Variants in ZNF165 observed in about 807,000 individuals in gnomAD.
ZNF165 encodes cancer/testis antigen 53.
In ZNF165, 14 loss-of-function variants were observed where a neutral mutation model predicts 19.6. The observed-to-expected ratio is 0.71, with a 90% CI of 0.47 to 1.12. The LOEUF (loss-of-function observed/expected upper bound fraction) is 1.12, where lower values mean the gene tolerates loss of function less well. Among genes scored for constraint, ZNF165 ranks in the 50% most tolerant of loss-of-function variants. ZNF165 has a pLI of 0.00. For synonymous variants in ZNF165, 165 were observed against 195.0 expected (o/e 0.85, Z 1.28); for missense variants, 504 against 566.3 (o/e 0.89, Z 1.12).
In ZNF165 at chr6:28,089,302, T is replaced by C; in HGVS notation, c.1290T>C (p.Cys430=). ...RIHTREKPYE[C]SECGKTFRVS... ...ACACCAGAGAGAAACCCTACGAGTG[T>C]AGTGAATGTGGGAAAACCTTCCGAG... Residue 430 remains cysteine, a synonymous_variant, in exon 4 of 4, where the codon TGT becomes TGC. Transcript: ENST00000683778. 6.2e-7 allele frequency: 1 copy of C among 1,614,158 alleles called. No individual in the cohort carries two copies. The highest frequency in any genetic ancestry group is 8.5e-7 in the Non-Finnish European group (1 of 1,180,018).
chr6:28,080,331 A>G (rs548933281), upstream of ZNF165, among the ~76,000 whole-genome samples: 1 of 152,158 alleles, frequency 6.6e-6, no homozygotes, highest in South Asian at 2.1e-4. Flanking sequence ...CTTCTATAGA[A>G]GTAAATTGCT....
At chr6:28,087,159 A>T (rs1764294345) in intron 3 of ZNF165, among the ~76,000 whole-genome samples, 1 of 152,264 alleles carries the variant, frequency 6.6e-6, no homozygotes. Flanking sequence ...TAAAAGATTC[A>T]TAGATGCAGT....
rs776272008 is a variant in ZNF165, at chr6:28,088,641, G to C, written c.629G>C (p.Gly210Ala). The C allele has an allele frequency of 1.2e-6, 2 of 1,613,916 alleles. No homozygotes were observed. Among genetic ancestry groups the C allele is most frequent in the Admixed American group, 1.7e-5 (1 of 59,990 alleles). Residue 210 changes from glycine to alanine, a missense_variant, in exon 4 of 4, where the codon GGA becomes GCA. Physicochemically the swap from Gly to Ala is moderately conservative, Grantham distance 60 (BLOSUM62 0). Transcript: ENST00000683778. ...EKIESQRIIS[G>A]RISGYISEAS... Reference sequence around the variant, plus strand: ...ATTGAATCACAGAGAATTATATCTGGAAGAATCTCAGGATACATATCAGAA... The same window carrying C: ...ATTGAATCACAGAGAATTATATCTGCAAGAATCTCAGGATACATATCAGAA...
chr6:28,088,490 T>C (rs1764340620), intron 3 of ZNF165, 73 bp from the exon 4 acceptor site: 1 of 1,284,924 alleles, frequency 7.8e-7, no homozygotes, highest in South Asian at 1.5e-5. Flanking sequence ...AATATGTAAC[T>C]ATCTTGAGCA....
rs556062260 is a variant in ZNF165 at position 28,087,787 on chromosome 6, G to T, written c.551-776G>T. Among the ~76,000 whole-genome samples the T allele has an allele frequency of 3.9e-5, 6 of 152,190 alleles. 1 individual carries two copies. The highest frequency in any genetic ancestry group is 3.9e-4 in the Admixed American group (6 of 15,292). ...ATCATAAATGGATCTTGGAAACCAG[G>T]CTTGGGAATTTAGACTTGAACAAAA... On this transcript the variant is annotated intron_variant, in intron 3 of 3. Transcript: ENST00000683778.
At chr6:28,082,502 GGAAATAAAGGGATGGGCC>G (rs962126704) in intron 1 of ZNF165, among the ~76,000 whole-genome samples, 5 of 152,194 alleles carry the variant, frequency 3.3e-5, no homozygotes, top group African/African-American at 1.2e-4. Flanking sequence ...ATTCCTTACG[GGAAATAAAGGGATGGGCC>G]GAAATAAAGG....
rs1343665699 is a variant in ZNF165 at position 28,085,903 on chromosome 6, A to T, written c.411+12A>T. On this transcript the variant is annotated intron_variant, in intron 2 of 3. Transcript: ENST00000683778. ...AAGCAGTACTCCAGGTGCACAGGGGATGGGAGATCTAAGACCTCCATAATG... is the reference window on the plus strand; with the variant it reads ...AAGCAGTACTCCAGGTGCACAGGGGTTGGGAGATCTAAGACCTCCATAATG... 1.0e-5 allele frequency: 16 copies of T among 1,604,260 alleles called. No homozygotes were observed. Among genetic ancestry groups the T allele is most frequent in the Non-Finnish European group, 1.4e-5 (16 of 1,179,408 alleles).
chr6:28,088,772 G>A lies in ZNF165; in HGVS notation c.760G>A (p.Gly254Ser). The A allele has an allele frequency of 6.2e-7, 1 of 1,614,082 alleles. No homozygotes were observed. Among genetic ancestry groups the A allele is most frequent in the Non-Finnish European group, 8.5e-7 (1 of 1,180,018 alleles). The change falls in exon 4 of 4, where the codon GGT becomes AGT. Residue 254 changes from glycine to serine, a missense_variant. Gly to Ser is a moderately conservative substitution (Grantham distance 56). Transcript: ENST00000683778. The stretch of plus-strand genomic sequence containing the variant: ...GAGACTCTCGTCTGCCCAGGATGAA[G>A]GTTTTGGTAAAATCCTCACCCACAA... ...SQRLSSAQDE[G>S]FGKILTHKNT...
chr6:28,087,987 C>T (rs1485403894), intron 3 of ZNF165, among the ~76,000 whole-genome samples: 1 of 151,940 alleles, frequency 6.6e-6, no homozygotes, highest in Admixed American at 6.6e-5. Flanking sequence ...GAGACTATGG[C>T]GATGGTAGCA....
intron 1 of ZNF165, among the ~76,000 whole-genome samples, chr6:28,082,160 T>TC (rs1448038035): frequency 6.6e-6 from 1 of 151,624 alleles, no homozygotes; most frequent in Non-Finnish European, 1.5e-5. Context: ...CCCTTTTTTT[T>TC]CTTTATCATT....
At chr6:28,084,071 C>T (rs978421550) in intron 1 of ZNF165, among the ~76,000 whole-genome samples, 3 of 152,150 alleles carry the variant, frequency 2.0e-5, no homozygotes, top group Non-Finnish European at 4.4e-5. Flanking sequence ...TTTGTTTAAT[C>T]CATTAAGCTG....
At chr6:28,081,431 C>T (rs953542609) in intron 1 of ZNF165, 1 of 152,132 alleles carries the variant, frequency 6.6e-6, no homozygotes, top group Non-Finnish European at 1.5e-5. Flanking sequence ...TGGGGACAAC[C>T]CCGCTTGTCC....
chr6:28,089,122 A>T lies in ZNF165; in HGVS notation c.1110A>T (p.Arg370Ser). 2 of 1,614,216 alleles carry T rather than the reference A, an allele frequency of 1.2e-6. No individual in the cohort carries two copies. The highest frequency in any genetic ancestry group is 1.7e-6 in the Non-Finnish European group (2 of 1,180,026). The change falls in exon 4 of 4, where the codon AGA becomes AGT. Residue 370 changes from arginine to serine, a missense_variant. Arg to Ser is a moderately radical substitution (Grantham distance 110). Transcript: ENST00000683778. ...ATCAGAGAATCCACACTGGAGAGAG[A>T]TGCTATGAATGTAATGAATGTGGGA... is the stretch of plus-strand genomic sequence containing the variant. ...ARHQRIHTGERCYECNECGKS... is the reference protein window; with the variant it reads ...ARHQRIHTGESCYECNECGKS...
chr6:28,081,378 C>T (rs1764151121), intron 1 of ZNF165: 1 of 152,230 alleles, frequency 6.6e-6, no homozygotes, highest in Non-Finnish European at 1.5e-5. Flanking sequence ...TCCCCAATCC[C>T]CTGCTTCCCT....
At chr6:28,087,784 C>A (rs1185564617) in intron 3 of ZNF165, among the ~76,000 whole-genome samples, 1 of 151,950 alleles carries the variant, frequency 6.6e-6, no homozygotes, top group African/African-American at 2.4e-5. Context: ...TCTTGGAAAC[C>A]AGGCTTGGGA....
intron 1 of ZNF165, among the ~76,000 whole-genome samples, chr6:28,082,543 C>T: frequency 6.6e-6 from 1 of 152,222 alleles, no homozygotes; most frequent in Admixed American, 6.5e-5. Flanking sequence ...TGGGCTCTGG[C>T]TAGTTATCTG....
chr6:28,089,441 AT>A lies in ZNF165; in HGVS notation c.1431del (p.His478ThrfsTer2). On this transcript the variant is annotated frameshift_variant, in exon 4 of 4. Transcript: ENST00000683778. LOFTEE classifies it high-confidence loss of function. ...QSSNLSQHQR[I>X]HMRENLLM ...CTCAAACCTTAGTCAACACCAGAGA[AT>A]TCACATGAGGGAAAACCTATTAATG... 6.2e-7 allele frequency: 1 copy of A among 1,604,634 alleles called. No individual in the cohort carries two copies. Among genetic ancestry groups the A allele is most frequent in the South Asian group, 1.1e-5 (1 of 89,724 alleles).
chr6:28,089,208 C>T lies in ZNF165; in HGVS notation c.1196C>T (p.Pro399Leu). The change falls in exon 4 of 4, where the codon CCC becomes CTC. Residue 399 changes from proline to leucine, a missense_variant. Pro to Leu is a moderately conservative substitution (Grantham distance 98). Transcript: ENST00000683778. Reference sequence around the variant, plus strand: ...CGGCGAATTCACACTGGGGAAAGACCCTTTGGTTGCAAAGAATGTGGGAGA... The same window carrying T: ...CGGCGAATTCACACTGGGGAAAGACTCTTTGGTTGCAAAGAATGTGGGAGA... Reference protein sequence around the residue: ...RHRRIHTGERPFGCKECGRAF... With the variant: ...RHRRIHTGERLFGCKECGRAF... 6.2e-7 allele frequency: 1 copy of T among 1,614,128 alleles called. No individual in the cohort carries two copies. The highest frequency in any genetic ancestry group is 8.5e-7 in the Non-Finnish European group (1 of 1,180,034).
chr6:28,085,944 T>G, intron 2 of ZNF165, 53 bp downstream of exon 2: 6 of 1,584,660 alleles, frequency 3.8e-6, no homozygotes, highest in Non-Finnish European at 5.1e-6. Context: ...AGTTCCACGG[T>G]GGGAGGAGAG....
Sources: gnomAD v4.1 joint callset for allele counts (sites outside exome capture counted in the v4.1 genomes callset) on GRCh38, gnomAD v4.1.1 for gene constraint, MANE v1.5 for transcripts, NCBI Gene and HGNC (gene_info 2026-07-23, HGNC 2026-07-21) for gene names.